CSMD3: variants seen among roughly 807,000 people sequenced by gnomAD.
The protein encoded by CSMD3 is CUB and sushi domain-containing protein 3.
In CSMD3, 177 loss-of-function variants were observed where a neutral mutation model predicts 435.2. That is an observed-to-expected ratio of 0.41 (90% CI 0.36 to 0.46). The LOEUF is 0.46. Among genes scored for constraint, CSMD3 ranks in the 20% least tolerant of loss-of-function variants. The probability of loss-of-function intolerance (pLI) is 0.34; values close to 1 mark genes in which losing one functional copy is unlikely to be tolerated. For missense variants in CSMD3, 4,265 were observed against 4,504.6 expected (o/e 0.95, Z 1.52); for synonymous variants, 1,656 against 1,520.5 (o/e 1.09, Z -2.07).
chr8:112,436,073 G>A (rs1376627651), intron 32 of CSMD3, among the ~76,000 whole-genome samples: 1 of 151,862 alleles, frequency 6.6e-6, no homozygotes, highest in African/African-American at 2.4e-5. Flanking sequence ...TTGTCAAATA[G>A]AGTGCATATG....
chr8:112,575,654 C>G (rs1829884407), intron 23 of CSMD3, among the ~76,000 whole-genome samples: 1 of 152,026 alleles, frequency 6.6e-6, no homozygotes, highest in Admixed American at 6.6e-5. Flanking sequence ...TCAACAAAAC[C>G]AAACCAAATG....
chr8:112,842,484 G>A (rs1406938593), intron 11 of CSMD3, among the ~76,000 whole-genome samples: 1 of 151,726 alleles, frequency 6.6e-6, no homozygotes, highest in Non-Finnish European at 1.5e-5. Flanking sequence ...ATTTATTAGT[G>A]TTGTTGGTGG....
intron 21 of CSMD3, 23 bp downstream of exon 21, chr8:112,638,673 C>G (rs751545386): frequency 8.1e-6 from 11 of 1,362,264 alleles, no homozygotes; most frequent in African/African-American, 1.4e-5. Flanking sequence ...CTGAATGAGC[C>G]CTTTTGTTTT....
intron 32 of CSMD3, among the ~76,000 whole-genome samples, chr8:112,466,899 A>T (rs894656111): frequency 5.9e-5 from 9 of 152,298 alleles, no homozygotes; most frequent in Admixed American, 2.0e-4. Flanking sequence ...TTTTTAAAAA[A>T]TTATAATCTT....
intron 22 of CSMD3, among the ~76,000 whole-genome samples, chr8:112,591,074 T>C (rs986635839): frequency 2.0e-5 from 3 of 152,098 alleles, no homozygotes; most frequent in African/African-American, 7.2e-5. Flanking sequence ...AGGAAAATGT[T>C]TGGAGAATAA....
chr8:112,942,510 T>C (rs1446590648), intron 9 of CSMD3, among the ~76,000 whole-genome samples: 2 of 151,768 alleles, frequency 1.3e-5, no homozygotes, highest in African/African-American at 4.8e-5. Context: ...GGTACATATA[T>C]ACTGCGAAAT....
At chr8:113,433,311 C>G (rs2094686341) in intron 1 of CSMD3, among the ~76,000 whole-genome samples, 1 of 152,134 alleles carries the variant, frequency 6.6e-6, no homozygotes, top group Admixed American at 6.5e-5. Flanking sequence ...AGACTGTCGC[C>G]TTATGGGCGA....
chr8:112,863,729 C>T (rs908145283), intron 10 of CSMD3, among the ~76,000 whole-genome samples: 1 of 151,930 alleles, frequency 6.6e-6, no homozygotes, highest in Non-Finnish European at 1.5e-5. Flanking sequence ...TTTGCCTCTT[C>T]AATGGAGCCT....
intron 20 of CSMD3, among the ~76,000 whole-genome samples, chr8:112,639,962 T>C (rs1332036456): frequency 6.6e-6 from 1 of 152,152 alleles, no homozygotes; most frequent in Non-Finnish European, 1.5e-5. Context: ...TACTGAATGA[T>C]GGGAGTAATA....
At chr8:113,088,423 T>A (rs62521255) in intron 5 of CSMD3, among the ~76,000 whole-genome samples, 3 of 139,578 alleles carry the variant, frequency 2.1e-5, no homozygotes, top group East Asian at 4.6e-4. Context: ...ATGTTTATTG[T>A]GGCACTATTC....
chr8:113,060,797 T>C (rs2088579312), intron 5 of CSMD3, among the ~76,000 whole-genome samples: 1 of 152,062 alleles, frequency 6.6e-6, no homozygotes, highest in Admixed American at 6.6e-5. Flanking sequence ...AGTTAAAAAA[T>C]TGGAGAAAAG....
At chr8:112,353,454 C>T (rs936970391) in intron 38 of CSMD3, among the ~76,000 whole-genome samples, 1 of 152,110 alleles carries the variant, frequency 6.6e-6, no homozygotes, top group Non-Finnish European at 1.5e-5. Flanking sequence ...TTATGTGCTA[C>T]TTGAATTCAG....
intron 27 of CSMD3, among the ~76,000 whole-genome samples, chr8:112,545,554 C>G (rs1827116118): frequency 1.3e-5 from 2 of 148,480 alleles, no homozygotes; most frequent in African/African-American, 5.0e-5. Context: ...CATCTAGGGT[C>G]AGAATGGGTG....
At chr8:112,541,268 T>G (rs571930915) in intron 27 of CSMD3, among the ~76,000 whole-genome samples, 1 of 151,530 alleles carries the variant, frequency 6.6e-6, no homozygotes, top group African/African-American at 2.4e-5. Flanking sequence ...AGGAAGGAAA[T>G]AAGATTAAAG....
intron 37 of CSMD3, among the ~76,000 whole-genome samples, chr8:112,383,189 G>A (rs1184179778): frequency 6.6e-6 from 1 of 151,778 alleles, no homozygotes; most frequent in African/African-American, 2.4e-5. Flanking sequence ...GCATTTACCT[G>A]GTTATTTTCA....
chr8:112,997,022 G>A (rs2085678494), intron 6 of CSMD3, among the ~76,000 whole-genome samples: 1 of 151,500 alleles, frequency 6.6e-6, no homozygotes, highest in South Asian at 2.1e-4. Flanking sequence ...ACTTTTCAGG[G>A]TACTGATTAG....
chr8:113,333,123 G>C (rs1453139689), intron 1 of CSMD3, among the ~76,000 whole-genome samples: 1 of 151,296 alleles, frequency 6.6e-6, no homozygotes, highest in East Asian at 1.9e-4. Flanking sequence ...TTTCTAATTG[G>C]ATCATTAAAT....
chr8:113,081,109 T>C (rs898260324), intron 5 of CSMD3, among the ~76,000 whole-genome samples: 7 of 152,224 alleles, frequency 4.6e-5, no homozygotes, highest in African/African-American at 1.7e-4. Context: ...TTAAATGTAC[T>C]GTGAAAATGT....
intron 7 of CSMD3, among the ~76,000 whole-genome samples, chr8:112,973,767 T>G (rs1361139588): frequency 6.6e-6 from 1 of 151,838 alleles, no homozygotes; most frequent in Non-Finnish European, 1.5e-5. Context: ...TAAGAGATTG[T>G]GTCTAGAGTG....
Sources: gnomAD v4.1 joint callset for allele counts (sites outside exome capture counted in the v4.1 genomes callset) on GRCh38, gnomAD v4.1.1 for gene constraint, MANE v1.5 for transcripts, NCBI Gene and HGNC (gene_info 2026-07-23, HGNC 2026-07-21) for gene names.